Variants in TSPAN14 observed in about 807,000 individuals in gnomAD.
The protein encoded by TSPAN14 is tetraspanin 14.
A neutral mutation model predicts 36.6 loss-of-function variants in TSPAN14; 16 were observed. The observed-to-expected ratio is 0.44, with a 90% CI of 0.30 to 0.66. The LOEUF is 0.66. Among genes scored for constraint, TSPAN14 ranks in the 30% least tolerant of loss-of-function variants. The pLI is 0.12. For missense variants in TSPAN14, 231 were observed against 355.1 expected (o/e 0.65, Z 2.81); for synonymous variants, 139 against 143.8 (o/e 0.97, Z 0.24).
At chr10:80,496,924 A>G (rs1818426662) in intron 2 of TSPAN14, among the ~76,000 whole-genome samples, 2 of 149,920 alleles carry the variant, frequency 1.3e-5, no homozygotes, top group Non-Finnish European at 3.0e-5. Context: ...CTTCTTTGTC[A>G]TTCTTGTGTC....
At chr10:80,511,425 C>G (rs1840612105) in intron 5 of TSPAN14, among the ~76,000 whole-genome samples, 1 of 152,214 alleles carries the variant, frequency 6.6e-6, no homozygotes, top group Admixed American at 6.5e-5. Flanking sequence ...TCTCTTGTGG[C>G]AAGTAGAGGA....
chr10:80,486,338 G>A (rs3802636), intron 1 of TSPAN14, among the ~76,000 whole-genome samples: 2 of 152,316 alleles, frequency 1.3e-5, no homozygotes, highest in East Asian at 3.9e-4. Flanking sequence ...TGAGCTGCAG[G>A]AGACCAGGGA....
exon 9 of TSPAN14, chr10:80,520,412 T>C (rs974547681): frequency 2.4e-6 from 1 of 412,074 alleles, no homozygotes; most frequent in South Asian, 1.9e-5. Flanking sequence ...GCATCGGCTG[T>C]CCGCACAGAG....
chr10:80,471,039 T>C (rs1846522073), intron 1 of TSPAN14, among the ~76,000 whole-genome samples: 1 of 152,150 alleles, frequency 6.6e-6, no homozygotes, highest in Non-Finnish European at 1.5e-5. Context: ...CTAGCTGCTT[T>C]AGGGAGCATT....
At chr10:80,514,707 C>G (rs1464998940) in intron 7 of TSPAN14, among the ~76,000 whole-genome samples, 10 of 152,170 alleles carry the variant, frequency 6.6e-5, no homozygotes, top group Admixed American at 5.9e-4. Context: ...GGGAACTGTC[C>G]TCCTTTAGGG....
chr10:80,477,449 A>G (rs1317759947), intron 1 of TSPAN14, among the ~76,000 whole-genome samples: 1 of 152,196 alleles, frequency 6.6e-6, no homozygotes, highest in East Asian at 1.9e-4. Flanking sequence ...CATAAGATAA[A>G]GGGAGTTGTA....
At chr10:80,499,009 C>T (rs968515198) in intron 2 of TSPAN14, among the ~76,000 whole-genome samples, 20 of 152,208 alleles carry the variant, frequency 1.3e-4, no homozygotes, top group Admixed American at 1.0e-3. Flanking sequence ...CTGAGAGCAT[C>T]GCCTGCTGCT....
intron 2 of TSPAN14, among the ~76,000 whole-genome samples, chr10:80,500,446 C>G (rs1008341066): frequency 2.0e-5 from 3 of 150,286 alleles, no homozygotes; most frequent in Non-Finnish European, 3.0e-5. Flanking sequence ...TCTCTTGCCT[C>G]AGCCTCCTGA....
At chr10:80,520,665 T>C (rs774287601) in exon 9 of TSPAN14, 1 of 533,258 alleles carries the variant, frequency 1.9e-6, no homozygotes, top group East Asian at 5.4e-5. Flanking sequence ...TCCTTTCCCA[T>C]CCTAAAAACT....
At chr10:80,489,025 T>C (rs1847777895) in intron 1 of TSPAN14, among the ~76,000 whole-genome samples, 192 bp from the exon 2 acceptor site, 1 of 152,212 alleles carries the variant, frequency 6.6e-6, no homozygotes, top group Admixed American at 6.5e-5. Flanking sequence ...CTTTCGTTTG[T>C]CTTTTGGAGA....
chr10:80,495,572 A>G (rs568218053), intron 2 of TSPAN14, among the ~76,000 whole-genome samples: 3 of 152,282 alleles, frequency 2.0e-5, no homozygotes, highest in Non-Finnish European at 2.9e-5. Context: ...GGGATGTTCA[A>G]GGTGCTCTGA....
At chr10:80,500,782 T>A (rs1169838964) in intron 2 of TSPAN14, among the ~76,000 whole-genome samples, 1 of 152,110 alleles carries the variant, frequency 6.6e-6, no homozygotes, top group East Asian at 1.9e-4. Flanking sequence ...AGGGAGGGTG[T>A]GGTCTGTGGG....
At position 80,489,214 on chromosome 10, in the gene TSPAN14, C is replaced by T; in HGVS notation, c.-17-3C>T. On this transcript the variant is annotated splice_polypyrimidine_tract_variant and splice_region_variant and intron_variant, in intron 1 of 8. Transcript: ENST00000429989. ...ATCTCACTAGTCACACATCTCTCCG[C>T]AGATTCTGCTTCTCAGAAGATGCAC... 6.4e-7 allele frequency: 1 copy of T among 1,562,762 alleles called. No homozygotes were observed. Among genetic ancestry groups the T allele is most frequent in the South Asian group, 1.2e-5 (1 of 85,232 alleles).
intron 1 of TSPAN14, among the ~76,000 whole-genome samples, chr10:80,457,836 A>C (rs533870599): frequency 1.7e-4 from 26 of 152,338 alleles, no homozygotes; most frequent in African/African-American, 6.3e-4. Context: ...AGAGGCTTAA[A>C]GCAACAGAGG....
chr10:80,514,963 T>G (rs2132064994), intron 7 of TSPAN14, among the ~76,000 whole-genome samples: 1 of 152,218 alleles, frequency 6.6e-6, no homozygotes, highest in Admixed American at 6.5e-5. Context: ...AACCAGAAAG[T>G]GGGCCCTCAT....
chr10:80,457,194 C>CT (rs1355587664), intron 1 of TSPAN14, among the ~76,000 whole-genome samples: 15 of 151,040 alleles, frequency 9.9e-5, no homozygotes, highest in South Asian at 2.1e-4. Flanking sequence ...TTTCTCATTT[C>CT]TTTTTTTTTG....
At chr10:80,518,249 CAGAG>C (rs973602209) in exon 9 of TSPAN14, 1 of 500,096 alleles carries the variant, frequency 2.0e-6, no homozygotes, top group Admixed American at 3.5e-5. Flanking sequence ...CTCTGAAAGA[CAGAG>C]AGGGCTCCTG....
chr10:80,507,824 A>C (rs563809586), intron 4 of TSPAN14, among the ~76,000 whole-genome samples: 2 of 152,316 alleles, frequency 1.3e-5, no homozygotes, highest in South Asian at 2.1e-4. Flanking sequence ...CAGATTACTA[A>C]GAGTTTAGTT....
At chr10:80,491,025 C>G (rs764358129) in intron 2 of TSPAN14, among the ~76,000 whole-genome samples, 7 of 152,166 alleles carry the variant, frequency 4.6e-5, no homozygotes, top group African/African-American at 1.2e-4. Context: ...CTCTTGAAAA[C>G]AAGGCAGACT....
Sources: allele counts gnomAD v4.1 joint callset (sites outside exome capture counted in the v4.1 genomes callset), GRCh38; gene constraint gnomAD v4.1.1; transcripts MANE v1.5; gene names NCBI Gene and HGNC (gene_info 2026-07-23, HGNC 2026-07-21).